ELOC: variants seen among roughly 807,000 people sequenced by gnomAD.
ELOC encodes elongin-C.
For missense variants in ELOC, 38 were observed against 139.0 expected (o/e 0.27, Z 3.65); for synonymous variants, 40 against 51.3 (o/e 0.78, Z 0.94).
chr8:73,959,613 G>T, intron 2 of ELOC, 152 bp downstream of exon 2: 1 of 568,844 alleles, frequency 1.8e-6, no homozygotes, highest in Non-Finnish European at 3.1e-6. Flanking sequence ...TCATTATGTA[G>T]GGCATGACTG....
At chr8:73,946,933 C>A in intron 3 of ELOC, 113 bp from the exon 4 acceptor site, 3 of 822,560 alleles carry the variant, frequency 3.6e-6, no homozygotes, top group African/African-American at 1.7e-5. Flanking sequence ...GAGATAAGTT[C>A]TTTAAAGAGG....
rs1813360487 is a variant in ELOC, at chr8:73,946,049, T to TA, written c.*580_*581insT. On this transcript the variant is annotated 3_prime_UTR_variant, in exon 4 of 4. Transcript: ENST00000520242. Reference sequence around the variant, plus strand: ...TACCTAGTAACCTTCCAAAATTGTTTTTAAATAAAGTTCTTAAATTGTAGC... The same window carrying TA: ...TACCTAGTAACCTTCCAAAATTGTTTATTAAATAAAGTTCTTAAATTGTAGC... 6.6e-6 allele frequency: 1 copy of TA among 152,248 alleles called. No homozygotes were observed. Among genetic ancestry groups the TA allele is most frequent in the African/African-American group, 2.4e-5 (1 of 41,462 alleles). The allele number at this position is 152,248 out of a possible 1,614,324, so 9.4% of individuals were successfully genotyped here. A position where few individuals can be genotyped will look rare whatever the true frequency, so the allele number is the denominator to read the frequency against.
chr8:73,966,801 T>C (rs955139992), intron 1 of ELOC, among the ~76,000 whole-genome samples: 8 of 152,184 alleles, frequency 5.3e-5, no homozygotes, highest in Non-Finnish European at 1.0e-4. Context: ...ATGCCTAATA[T>C]AATAGTAAAC....
chr8:73,959,709 G>T (rs1027593530), intron 2 of ELOC, 56 bp downstream of exon 2: 15 of 1,448,266 alleles, frequency 1.0e-5, no homozygotes, highest in Non-Finnish European at 1.2e-5. Context: ...AAAGATCTTT[G>T]AAACAAAGTC....
At chr8:73,957,048 C>A (rs971281799) in intron 2 of ELOC, among the ~76,000 whole-genome samples, 4 of 151,850 alleles carry the variant, frequency 2.6e-5, no homozygotes, top group African/African-American at 9.7e-5. Flanking sequence ...TGGCGGGTGC[C>A]TGTAGTCCCA....
At chr8:73,952,314 G>C (rs557568035) in intron 3 of ELOC, among the ~76,000 whole-genome samples, 15 of 152,138 alleles carry the variant, frequency 9.9e-5, no homozygotes. Context: ...TGAGACAGGA[G>C]AATCGGTTGA....
intron 1 of ELOC, among the ~76,000 whole-genome samples, chr8:73,963,455 A>G (rs1814744415): frequency 6.6e-6 from 1 of 152,136 alleles, no homozygotes; most frequent in Admixed American, 6.6e-5. Context: ...TTTTACTATG[A>G]TATTTTCTGA....
intron 2 of ELOC, among the ~76,000 whole-genome samples, chr8:73,958,052 A>T (rs1197753138): frequency 6.6e-6 from 1 of 150,944 alleles, no homozygotes; most frequent in Non-Finnish European, 1.5e-5. Flanking sequence ...CTGGGATTAC[A>T]GGCATGAGCC....
chr8:73,958,318 T>A (rs895464077), intron 2 of ELOC, among the ~76,000 whole-genome samples: 1 of 152,124 alleles, frequency 6.6e-6, no homozygotes, highest in Admixed American at 6.6e-5. Flanking sequence ...TAAATATTCA[T>A]CTATGTTATG....
chr8:73,966,044 T>C (rs949383326), intron 1 of ELOC, among the ~76,000 whole-genome samples: 1 of 152,120 alleles, frequency 6.6e-6, no homozygotes, highest in Non-Finnish European at 1.5e-5. Flanking sequence ...ATGACCTCAG[T>C]CAGACAGCTT....
At chr8:73,954,375 TGC>T (rs1303990174) in intron 3 of ELOC, among the ~76,000 whole-genome samples, 2 of 152,296 alleles carry the variant, frequency 1.3e-5, no homozygotes, top group African/African-American at 2.4e-5. Context: ...AATAGAGATT[TGC>T]GCTGGGTGTG....
Position 73,972,068 on chromosome 8 carries a change from G to C in ELOC, c.-51+9C>G, listed in dbSNP as rs917470648. 1 of 152,374 alleles carries C rather than the reference G, an allele frequency of 6.6e-6. No homozygotes were observed. The highest frequency in any genetic ancestry group is 1.5e-5 in the Non-Finnish European group (1 of 68,252). 9.4% of individuals were successfully genotyped at this position (152,374 alleles called of 1,614,324 possible). Reference sequence around the variant, plus strand: ...CGGAGCTCCGTTTCCGCCCCAGCCCGAGACTCACTCGTCAGTCCCGCAGCC... The same window carrying C: ...CGGAGCTCCGTTTCCGCCCCAGCCCCAGACTCACTCGTCAGTCCCGCAGCC... On this transcript the variant is annotated intron_variant, in intron 1 of 3. Coordinates refer to ENST00000520242, the MANE Select transcript of ELOC (RefSeq NM_005648.4).
At chr8:73,970,729 G>C (rs576561570) in intron 1 of ELOC, 1 of 152,132 alleles carries the variant, frequency 6.6e-6, no homozygotes, top group Non-Finnish European at 1.5e-5. Context: ...GGATCAAAAA[G>C]CAAATATGGA....
intron 1 of ELOC, chr8:73,969,658 T>A (rs556138816): frequency 1.3e-5 from 2 of 152,338 alleles, no homozygotes; most frequent in South Asian, 4.1e-4. Flanking sequence ...AGAGAGGTCT[T>A]CCTTCCCTGA....
At chr8:73,967,285 A>G (rs1429437029) in intron 1 of ELOC, among the ~76,000 whole-genome samples, 4 of 152,040 alleles carry the variant, frequency 2.6e-5, no homozygotes, top group African/African-American at 7.2e-5. Flanking sequence ...TTGACACACT[A>G]AAGGGCCAAA....
At chr8:73,952,355 C>A (rs762303879) in intron 3 of ELOC, among the ~76,000 whole-genome samples, 1 of 150,976 alleles carries the variant, frequency 6.6e-6, no homozygotes, top group South Asian at 2.1e-4. Flanking sequence ...TGCAGTGAGC[C>A]GAGATTGAGC....
chr8:73,962,488 G>T (rs991025548), intron 1 of ELOC, among the ~76,000 whole-genome samples: 5 of 151,478 alleles, frequency 3.3e-5, no homozygotes, highest in Admixed American at 2.6e-4. Context: ...GTCATTTTAT[G>T]ATACTACGCA....
chr8:73,953,283 G>T (rs552281138), intron 3 of ELOC, among the ~76,000 whole-genome samples: 1 of 152,024 alleles, frequency 6.6e-6, no homozygotes, highest in Non-Finnish European at 1.5e-5. Context: ...TCTAGCCTGC[G>T]TAACAGAGTG....
intron 1 of ELOC, among the ~76,000 whole-genome samples, chr8:73,971,046 A>AAAAAAG (rs1554597722): frequency 6.1e-4 from 91 of 149,842 alleles, no homozygotes; most frequent in African/African-American, 1.8e-3. Context: ...AAAAAAAAAA[A>AAAAAAG]AAAAAGAAAA....
Sources: allele counts gnomAD v4.1 joint callset (sites outside exome capture counted in the v4.1 genomes callset), GRCh38; gene constraint gnomAD v4.1.1; transcripts MANE v1.5; gene names NCBI Gene and HGNC (gene_info 2026-07-23, HGNC 2026-07-21).